Variants in MPPED2 observed in about 807,000 individuals in gnomAD.
MPPED2 encodes the protein metallophosphoesterase MPPED2.
MPPED2 carries 5 observed loss-of-function variants against 33.0 expected under a neutral mutation model. That is an observed-to-expected ratio of 0.15 (90% CI 0.08 to 0.32). The LOEUF (loss-of-function observed/expected upper bound fraction) is 0.32, where lower values mean the gene tolerates loss of function less well. Ranked by LOEUF, MPPED2 falls within the 10% of genes least tolerant of loss-of-function variation. The probability of loss-of-function intolerance (pLI) is 1.00; values close to 1 mark genes in which losing one functional copy is unlikely to be tolerated. For synonymous variants in MPPED2, 136 were observed against 141.9 expected (o/e 0.96, Z 0.29); for missense variants, 275 against 372.1 (o/e 0.74, Z 2.15).
chr11:30,396,382 C>T (rs1947840478), intron 6 of MPPED2, among the ~76,000 whole-genome samples: 1 of 152,110 alleles, frequency 6.6e-6, no homozygotes, highest in Admixed American at 6.6e-5. Flanking sequence ...TCTTAAATTT[C>T]TTACCCTCTA....
chr11:30,414,258 T>G lies in MPPED2; in HGVS notation c.736A>C (p.Lys246Gln), dbSNP rs1565043492. The change falls in exon 6 of 7, where the codon AAG becomes CAG. Residue 246 changes from lysine to glutamine, a missense_variant. Physicochemically the swap from Lys to Gln is moderately conservative, Grantham distance 53 (BLOSUM62 1). Transcript: ENST00000358117. ...LNTVQRRVRPKLHVFGGIHEG... is the reference protein window; with the variant it reads ...LNTVQRRVRPQLHVFGGIHEG... ...TGGATTCCACCAAACACATGGAGCT[T>G]GGGCCGGACTCGCCTCTGAACCGTG... The G allele has an allele frequency of 1.2e-6, 2 of 1,613,916 alleles. No individual in the cohort carries two copies. Among genetic ancestry groups the G allele is most frequent in the Non-Finnish European group, 1.7e-6 (2 of 1,179,826 alleles).
chr11:30,581,036 C>T (rs2134921970), intron 1 of MPPED2, among the ~76,000 whole-genome samples: 1 of 152,238 alleles, frequency 6.6e-6, no homozygotes, highest in Non-Finnish European at 1.5e-5. Context: ...TTTTTTCTTT[C>T]ACAAGCAGCT....
At chr11:30,409,014 T>C (rs536737449), downstream of MPPED2, among the ~76,000 whole-genome samples, 1 of 152,284 alleles carries the variant, frequency 6.6e-6, no homozygotes, top group African/African-American at 2.4e-5. Context: ...CACAAATGAG[T>C]CTGCCTTCTA....
chr11:30,479,112 T>C (rs1951358730), intron 4 of MPPED2, among the ~76,000 whole-genome samples: 1 of 151,902 alleles, frequency 6.6e-6, no homozygotes, highest in African/African-American at 2.4e-5. Context: ...TATCCTAAAC[T>C]AGGCTGAATG....
intron 6 of MPPED2, among the ~76,000 whole-genome samples, chr11:30,401,989 C>T (rs1038843010): frequency 6.6e-6 from 1 of 152,032 alleles, no homozygotes; most frequent in Non-Finnish European, 1.5e-5. Flanking sequence ...GAGCCACCGC[C>T]CCCGGCCTAC....
chr11:30,488,959 A>G (rs1951854214), intron 4 of MPPED2, among the ~76,000 whole-genome samples: 2 of 151,928 alleles, frequency 1.3e-5, no homozygotes, highest in African/African-American at 4.8e-5. Context: ...CAGAACCAAT[A>G]TTGTTTGCAT....
exon 7 of MPPED2, chr11:30,387,055 AGCG>A (rs1947711957): frequency 9.2e-6 from 3 of 325,212 alleles, no homozygotes; most frequent in Non-Finnish European, 1.7e-5. Flanking sequence ...CTAACTGCAC[AGCG>A]TGCACGCATA....
chr11:30,515,157 G>T (rs923714291), intron 3 of MPPED2, among the ~76,000 whole-genome samples: 2 of 152,094 alleles, frequency 1.3e-5, no homozygotes, highest in African/African-American at 2.4e-5. Context: ...AACCTTATGA[G>T]GCAATATCTA....
At chr11:30,450,481 A>C (rs1372758445) in intron 4 of MPPED2, among the ~76,000 whole-genome samples, 1 of 152,230 alleles carries the variant, frequency 6.6e-6, no homozygotes. Flanking sequence ...CATTTTACAG[A>C]TGAAGATCTC....
At position 30,411,451 on chromosome 11, in the gene MPPED2, A is replaced by T. The variant is rs1948097651; in HGVS notation, c.*17T>A. The T allele has an allele frequency of 6.2e-7, 1 of 1,610,830 alleles. No homozygotes were observed. Among genetic ancestry groups the T allele is most frequent in the East Asian group, 2.2e-5 (1 of 44,874 alleles). ...TTTATAGACCTTCCCTCACATTCCA[A>T]TAGGGCATTTAGAGCTTCAGGAACC... On this transcript the variant is annotated 3_prime_UTR_variant, in exon 7 of 7. Coordinates refer to ENST00000358117, the MANE Select transcript of MPPED2 (RefSeq NM_001584.3).
intron 3 of MPPED2, among the ~76,000 whole-genome samples, chr11:30,507,883 G>A (rs1952929502): frequency 6.6e-6 from 1 of 152,176 alleles, no homozygotes; most frequent in Admixed American, 6.5e-5. Flanking sequence ...AATTCCTCAG[G>A]AAGAAAGGAT....
At chr11:30,436,168 C>T (rs1949318103) in intron 4 of MPPED2, among the ~76,000 whole-genome samples, 1 of 148,048 alleles carries the variant, frequency 6.8e-6, no homozygotes, top group South Asian at 2.2e-4. Context: ...TGTAAACTCT[C>T]TAAACTGTAA....
intron 2 of MPPED2, among the ~76,000 whole-genome samples, chr11:30,564,374 T>C (rs752232260): frequency 2.0e-5 from 3 of 152,176 alleles, no homozygotes; most frequent in Non-Finnish European, 2.9e-5. Context: ...AACACTTCTA[T>C]AGAACTTACT....
Position 30,574,008 on chromosome 11 carries a change from G to A in MPPED2, c.128+6238C>T, listed in dbSNP as rs143146752. On this transcript the variant is annotated intron_variant, in intron 2 of 6. Coordinates refer to ENST00000358117, the MANE Select transcript of MPPED2 (RefSeq NM_001584.3). ...AACAAGTTTTAAAAAATTAAAAAGC[G>A]TATAAAGTAAAAAAGCTACAGTAAG... Among the ~76,000 whole-genome samples the A allele has an allele frequency of 4.5e-4, 69 of 152,202 alleles. 1 individual carries two copies. The highest frequency in any genetic ancestry group is 7.4e-5 in the Non-Finnish European group (5 of 68,000).
chr11:30,563,552 G>T (rs1242175597), intron 2 of MPPED2, among the ~76,000 whole-genome samples: 2 of 152,128 alleles, frequency 1.3e-5, no homozygotes, highest in African/African-American at 4.8e-5. Context: ...AGTGACAGGA[G>T]ATAGTAGGGG....
chr11:30,529,674 A>T (rs1381631157), intron 3 of MPPED2, among the ~76,000 whole-genome samples: 2 of 152,224 alleles, frequency 1.3e-5, no homozygotes, highest in Non-Finnish European at 2.9e-5. Context: ...AACATATATT[A>T]TAAGAATAAA....
At chr11:30,532,453 T>A (rs1470725113) in intron 3 of MPPED2, among the ~76,000 whole-genome samples, 1 of 152,200 alleles carries the variant, frequency 6.6e-6, no homozygotes, top group Non-Finnish European at 1.5e-5. Flanking sequence ...CCAGCTCCTT[T>A]TAACTTCTGC....
intron 4 of MPPED2, among the ~76,000 whole-genome samples, chr11:30,470,250 C>G (rs1028890649): frequency 6.6e-6 from 1 of 152,012 alleles, no homozygotes; most frequent in African/African-American, 2.4e-5. Flanking sequence ...CCCTACTGGC[C>G]CAGTATGGTC....
downstream of MPPED2, among the ~76,000 whole-genome samples, chr11:30,408,253 T>C (rs531858403): frequency 2.0e-5 from 3 of 152,320 alleles, no homozygotes; most frequent in South Asian, 6.2e-4. Context: ...AAGAGCCACA[T>C]TGCAGGGTGT....
Sources: allele counts gnomAD v4.1 joint callset (sites outside exome capture counted in the v4.1 genomes callset), GRCh38; gene constraint gnomAD v4.1.1; transcripts MANE v1.5; gene names NCBI Gene and HGNC (gene_info 2026-07-23, HGNC 2026-07-21).